The following BCAS1 variants were observed in gnomAD, a reference collection of about 807,000 sequenced individuals.
The protein encoded by BCAS1 is brain enriched myelin associated protein 1.
A neutral mutation model predicts 65.4 loss-of-function variants in BCAS1; 46 were observed. The observed-to-expected ratio is 0.70, with a 90% CI of 0.55 to 0.90. The LOEUF is 0.90. BCAS1 is among the 40% of genes least tolerant of loss of function. The pLI is 0.00. For synonymous variants in BCAS1, 298 were observed against 293.5 expected, an observed-to-expected ratio of 1.02 and a Z score of -0.16; for missense variants, 793 against 771.2, an observed-to-expected ratio of 1.03 and a Z score of -0.33.
chr20:54,025,154 C>T (rs371168324), intron 4 of BCAS1, among the ~76,000 whole-genome samples: 6 of 151,930 alleles, frequency 3.9e-5, no homozygotes, highest in Admixed American at 6.5e-5. Context: ...ACACTTTATG[C>T]GCCCCACACC....
intron 1 of BCAS1, among the ~76,000 whole-genome samples, chr20:54,060,793 G>C (rs1601037751): frequency 6.6e-6 from 1 of 152,116 alleles, no homozygotes; most frequent in East Asian, 1.9e-4. Context: ...GAAATTGTAA[G>C]CACCCTGACG....
chr20:54,056,345 C>A (rs1601019657), intron 3 of BCAS1, among the ~76,000 whole-genome samples: 1 of 152,026 alleles, frequency 6.6e-6, no homozygotes, highest in Admixed American at 6.6e-5. Context: ...CTAAGTGAAG[C>A]AACTTAAGGA....
chr20:54,032,820 T>C (rs1396857026), intron 3 of BCAS1, among the ~76,000 whole-genome samples: 3 of 151,250 alleles, frequency 2.0e-5, no homozygotes, highest in Non-Finnish European at 4.4e-5. Context: ...CCCAGATTCA[T>C]AAAGCAAGTT....
intron 1 of BCAS1, among the ~76,000 whole-genome samples, chr20:54,066,076 TC>T (rs200551205): frequency 0.11 from 15,632 of 147,766 alleles, 1,134 homozygotes; most frequent in East Asian, 0.27. Flanking sequence ...GTATTTTTTT[TC>T]TTTTTTTTTT....
chr20:53,969,138 A>G (rs1262234756), intron 9 of BCAS1, among the ~76,000 whole-genome samples: 2 of 151,988 alleles, frequency 1.3e-5, no homozygotes, highest in Admixed American at 1.3e-4. Flanking sequence ...TCCCTCATCT[A>G]AGCTCAGTGC....
chr20:53,971,893 T>G (rs1158501402), intron 9 of BCAS1, among the ~76,000 whole-genome samples: 2 of 152,246 alleles, frequency 1.3e-5, no homozygotes. Context: ...ATATTTTTTT[T>G]ATTACAACTG....
chr20:53,945,062 A>G, intron 12 of BCAS1, 66 bp from the exon 13 acceptor site: 1 of 1,324,216 alleles, frequency 7.6e-7, no homozygotes, highest in East Asian at 2.3e-5. Context: ...AACAATGGCC[A>G]TTTATGTAGC....
intron 4 of BCAS1, among the ~76,000 whole-genome samples, chr20:54,026,254 C>G (rs55901013): frequency 6.6e-6 from 1 of 152,154 alleles, no homozygotes; most frequent in Admixed American, 6.5e-5. Flanking sequence ...ATGTTCCTAA[C>G]ACAAGCTCCC....
intron 4 of BCAS1, among the ~76,000 whole-genome samples, chr20:53,999,558 G>GT (rs144472167): frequency 0.03 from 4,504 of 150,484 alleles, 75 homozygotes; most frequent in African/African-American, 0.037. Context: ...TTTCCTGCCC[G>GT]TTTTTTTTTG....
chr20:53,997,692 G>T (rs1045941149), intron 4 of BCAS1, among the ~76,000 whole-genome samples: 4 of 152,114 alleles, frequency 2.6e-5, no homozygotes, highest in East Asian at 1.9e-4. Context: ...CAACAGAGAG[G>T]TCCTGCAGGT....
At chr20:54,000,099 T>A (rs1464407776) in intron 4 of BCAS1, among the ~76,000 whole-genome samples, 1 of 152,240 alleles carries the variant, frequency 6.6e-6, no homozygotes, top group Non-Finnish European at 1.5e-5. Flanking sequence ...TATCCCGGCA[T>A]ATCTGATGCT....
intron 3 of BCAS1, among the ~76,000 whole-genome samples, chr20:54,049,676 G>C (rs1196879293): frequency 6.6e-6 from 1 of 152,096 alleles, no homozygotes; most frequent in East Asian, 1.9e-4. Context: ...AGAGTGCTGG[G>C]ATTTTAGGCG....
At chr20:54,066,877 C>T (rs1405327639) in intron 1 of BCAS1, among the ~76,000 whole-genome samples, 1 of 152,208 alleles carries the variant, frequency 6.6e-6, no homozygotes, top group East Asian at 1.9e-4. Context: ...ACTTAACCCT[C>T]GCAAACTCAA....
intron 1 of BCAS1, among the ~76,000 whole-genome samples, chr20:54,064,137 G>A (rs1412793712): frequency 6.6e-6 from 1 of 152,162 alleles, no homozygotes; most frequent in Non-Finnish European, 1.5e-5. Context: ...CCCAGACTGG[G>A]CTGCATGTGA....
At chr20:54,029,206 T>C (rs2091748574) in intron 3 of BCAS1, 1 of 985,390 alleles carries the variant, frequency 1.0e-6, no homozygotes. Flanking sequence ...GGAAAGTCAC[T>C]AGCTGCCAGG....
chr20:53,982,719 G>A (rs1317401360), intron 8 of BCAS1, among the ~76,000 whole-genome samples: 1 of 152,044 alleles, frequency 6.6e-6, no homozygotes, highest in Non-Finnish European at 1.5e-5. Context: ...AGAAAACAAA[G>A]GTCCTCATTT....
intron 3 of BCAS1, among the ~76,000 whole-genome samples, chr20:54,054,360 A>G (rs2092265072): frequency 6.6e-6 from 1 of 152,234 alleles, no homozygotes; most frequent in African/African-American, 2.4e-5. Context: ...TATTTTTCCA[A>G]TGACTTTTCT....
intron 5 of BCAS1, 118 bp downstream of exon 5, chr20:53,995,774 C>T: frequency 8.5e-7 from 1 of 1,180,154 alleles, no homozygotes; most frequent in Non-Finnish European, 1.2e-6. Context: ...CTCTCCCATG[C>T]TCCAACAGCA....
rs1402757599 is a variant in BCAS1 at position 53,985,498 on chromosome 20, C to T, written c.1064G>A (p.Gly355Asp). The T allele has an allele frequency of 3.1e-6, 5 of 1,611,814 alleles. No individual in the cohort carries two copies. The highest frequency in any genetic ancestry group is 8.5e-7 in the Non-Finnish European group (1 of 1,179,280). ...LAFRKFFRHKGAEKSPTTSAD... is the reference protein window; with the variant it reads ...LAFRKFFRHKDAEKSPTTSAD... ...TGAAGTGGTGGGTGACTTTTCAGCA[C>T]CCTAAAGAGTTAAAAAAAATGGAGG... The change falls in exon 8 of 13, where the codon GGT becomes GAT. Residue 355 changes from glycine to aspartate, a missense_variant and splice_region_variant. Gly to Asp is a moderately conservative substitution (Grantham distance 94). Coordinates refer to ENST00000688948, the MANE Select transcript of BCAS1 (RefSeq NM_001366298.2).
Sources: allele counts gnomAD v4.1 joint callset (sites outside exome capture counted in the v4.1 genomes callset), GRCh38; gene constraint gnomAD v4.1.1; transcripts MANE v1.5; gene names NCBI Gene and HGNC (gene_info 2026-07-23, HGNC 2026-07-21).